NXPH1: variants seen among roughly 807,000 people sequenced by gnomAD.
NXPH1 encodes neurexophilin-1.
In NXPH1, 5 loss-of-function variants were observed where a neutral mutation model predicts 23.7. That is an observed-to-expected ratio of 0.21 (90% confidence interval 0.11 to 0.44). The LOEUF (loss-of-function observed/expected upper bound fraction) is 0.44, where lower values mean the gene tolerates loss of function less well. NXPH1 is among the 20% of genes least tolerant of loss of function. The pLI is 0.99. For synonymous variants in NXPH1, 144 were observed against 122.2 expected (o/e 1.18, Z -1.18); for missense variants, 324 against 321.6 (o/e 1.01, Z -0.06).
At chr7:8,519,136 T>C (rs540264744) in intron 2 of NXPH1, among the ~76,000 whole-genome samples, 4 of 152,298 alleles carry the variant, frequency 2.6e-5, no homozygotes, top group Non-Finnish European at 5.9e-5. Context: ...TAGTATTATC[T>C]CATTTATTCT....
At chr7:8,698,466 A>C (rs1779570077) in intron 2 of NXPH1, among the ~76,000 whole-genome samples, 1 of 152,154 alleles carries the variant, frequency 6.6e-6, no homozygotes, top group Non-Finnish European at 1.5e-5. Flanking sequence ...CCAATATCTC[A>C]TACCAGTATA....
intron 2 of NXPH1, among the ~76,000 whole-genome samples, chr7:8,733,519 T>A (rs537675745): frequency 6.6e-6 from 1 of 152,344 alleles, no homozygotes; most frequent in African/African-American, 2.4e-5. Flanking sequence ...CGTTTCTATT[T>A]CTCCACATCT....
At chr7:8,647,421 G>A (rs564422441) in intron 2 of NXPH1, among the ~76,000 whole-genome samples, 258 of 152,228 alleles carry the variant, frequency 1.7e-3, no homozygotes, top group African/African-American at 5.8e-3. Flanking sequence ...ATGGTCACAC[G>A]ATTGCATTTA....
chr7:8,529,423 T>A (rs760142512), intron 2 of NXPH1, among the ~76,000 whole-genome samples: 9 of 152,022 alleles, frequency 5.9e-5, no homozygotes, highest in Non-Finnish European at 1.2e-4. Flanking sequence ...AAAGGACATA[T>A]GATTAAGTGT....
intron 2 of NXPH1, among the ~76,000 whole-genome samples, chr7:8,608,678 T>C (rs902057478): frequency 6.6e-6 from 1 of 152,124 alleles, no homozygotes; most frequent in African/African-American, 2.4e-5. Flanking sequence ...GACTTTTTTG[T>C]GCGTCATATG....
chr7:8,536,830 G>C (rs1397122255), intron 2 of NXPH1, among the ~76,000 whole-genome samples: 1 of 151,942 alleles, frequency 6.6e-6, no homozygotes, highest in East Asian at 1.9e-4. Context: ...AAGAGGATTT[G>C]TTTTATGGAT....
At chr7:8,532,549 A>T (rs911389019) in intron 2 of NXPH1, among the ~76,000 whole-genome samples, 7 of 151,218 alleles carry the variant, frequency 4.6e-5, no homozygotes, top group African/African-American at 7.3e-5. Context: ...TTTTGAAGTT[A>T]CTCCTTTCTG....
chr7:8,697,301 T>A (rs1779545140), intron 2 of NXPH1, among the ~76,000 whole-genome samples: 1 of 152,012 alleles, frequency 6.6e-6, no homozygotes, highest in African/African-American at 2.4e-5. Flanking sequence ...GAAAGTGACA[T>A]GATCTGGCTT....
intron 2 of NXPH1, among the ~76,000 whole-genome samples, chr7:8,718,443 A>G (rs1358614866): frequency 6.6e-6 from 1 of 152,216 alleles, no homozygotes; most frequent in Non-Finnish European, 1.5e-5. Context: ...CACTCATCTG[A>G]AAACTCTGTT....
At chr7:8,503,030 G>A (rs1817461705) in intron 2 of NXPH1, among the ~76,000 whole-genome samples, 1 of 151,904 alleles carries the variant, frequency 6.6e-6, no homozygotes, top group African/African-American at 2.4e-5. Flanking sequence ...GGAACTGGGT[G>A]GGAAACCACT....
chr7:8,448,819 A>G (rs968800687), intron 2 of NXPH1, among the ~76,000 whole-genome samples: 14 of 26,396 alleles, frequency 5.3e-4, no homozygotes, highest in East Asian at 4.0e-3. Context: ...CGTCTCGGGG[A>G]AAAAAAAAAA....
rs555557908 is a variant in NXPH1 at position 8,484,180 on chromosome 7, G to A, written c.54+48413G>A. Reference sequence around the variant, plus strand: ...GGGCTACAACGGTCACTAAGACACTGCCCTACCTCAAAAATCTCACATAGT... The same window carrying A: ...GGGCTACAACGGTCACTAAGACACTACCCTACCTCAAAAATCTCACATAGT... On this transcript the variant is annotated intron_variant, in intron 2 of 2. Coordinates refer to ENST00000405863, the MANE Select transcript of NXPH1 (RefSeq NM_152745.3). Among the ~76,000 whole-genome samples the A allele has an allele frequency of 4.6e-5, 7 of 152,122 alleles. No homozygotes were observed. In the South Asian group the frequency reaches 1.5e-3, roughly 32 times the overall value.
chr7:8,435,510 C>A lies in NXPH1; in HGVS notation c.-110-94C>A. Reference sequence around the variant, plus strand: ...CCCTCCCTCCCTTTTTTTTTTGGTCCCCCACTCCCCGCTACGACCCCCTTT... The same window carrying A: ...CCCTCCCTCCCTTTTTTTTTTGGTCACCCACTCCCCGCTACGACCCCCTTT... On this transcript the variant is annotated intron_variant, in intron 1 of 2. Coordinates refer to ENST00000405863, the MANE Select transcript of NXPH1 (RefSeq NM_152745.3). The surrounding 1 kb of genome is among the most constrained non-coding windows in gnomAD (Gnocchi z 5.9). 1.8e-6 allele frequency: 1 copy of A among 565,510 alleles called. No homozygotes were observed. Among genetic ancestry groups the A allele is most frequent in the South Asian group, 2.3e-5 (1 of 43,934 alleles). 35.0% of individuals were successfully genotyped at this position (565,510 alleles called of 1,614,324 possible).
intron 2 of NXPH1, among the ~76,000 whole-genome samples, chr7:8,488,438 T>C (rs1817197221): frequency 6.6e-6 from 1 of 152,098 alleles, no homozygotes; most frequent in Non-Finnish European, 1.5e-5. Flanking sequence ...TTAAATTGAT[T>C]AAGTGATTTT....
chr7:8,541,120 T>C (rs542955517), intron 2 of NXPH1, among the ~76,000 whole-genome samples: 8 of 151,842 alleles, frequency 5.3e-5, no homozygotes, highest in African/African-American at 1.9e-4. Flanking sequence ...TATCCAGAGA[T>C]GACATGAATG....
At chr7:8,593,735 C>G (rs1819155384) in intron 2 of NXPH1, among the ~76,000 whole-genome samples, 1 of 152,004 alleles carries the variant, frequency 6.6e-6, no homozygotes, top group African/African-American at 2.4e-5. Flanking sequence ...AATTAAAATT[C>G]AGATGTGACA....
intron 2 of NXPH1, among the ~76,000 whole-genome samples, chr7:8,539,180 G>A (rs1818072833): frequency 6.6e-6 from 1 of 151,842 alleles, no homozygotes. Flanking sequence ...TGATGGTGGT[G>A]CTGAAGAAAA....
chr7:8,491,428 G>C (rs898884654), intron 2 of NXPH1, among the ~76,000 whole-genome samples: 1 of 151,972 alleles, frequency 6.6e-6, no homozygotes, highest in Non-Finnish European at 1.5e-5. Flanking sequence ...AAGAAATGAA[G>C]GAAATCAAGA....
Position 8,702,805 on chromosome 7 carries a change from G to C in NXPH1, c.55-48203G>C, listed in dbSNP as rs141976067. On this transcript the variant is annotated intron_variant, in intron 2 of 2. Transcript: ENST00000405863. ...GAAATTACTTTCTAAAACTCTTACA[G>C]TTAGAGATGTGATAAGAGTAAAACT... Among the ~76,000 whole-genome samples the C allele has an allele frequency of 2.0e-3, 302 of 152,212 alleles. 2 individuals carry two copies. The Middle Eastern group carries it at 0.02, about 10-fold the overall frequency.
Sources: gnomAD v4.1 joint callset for allele counts (sites outside exome capture counted in the v4.1 genomes callset) on GRCh38, gnomAD v4.1.1 for gene constraint, Gnocchi (gnomAD v3.1) non-coding constraint, MANE v1.5 for transcripts, NCBI Gene and HGNC (gene_info 2026-07-23, HGNC 2026-07-21) for gene names.